Variants in MAP3K19 observed in about 807,000 individuals in gnomAD.
The protein encoded by MAP3K19 is SPS1/STE20-related protein kinase YSK4.
MAP3K19 carries 91 observed loss-of-function variants against 114.4 expected under a neutral mutation model. That is an observed-to-expected ratio of 0.80 (90% CI 0.67 to 0.95). The LOEUF (loss-of-function observed/expected upper bound fraction) is 0.95. MAP3K19 is among the 40% of genes least tolerant of loss of function. The pLI is 0.00. For missense variants in MAP3K19, 1,471 were observed against 1,573.2 expected, an observed-to-expected ratio of 0.94 and a Z score of 1.10; for synonymous variants, 518 against 530.5, an observed-to-expected ratio of 0.98 and a Z score of 0.32.
chr2:134,983,646 T>C, intron 11 of MAP3K19, 30 bp downstream of exon 11: 1 of 1,480,236 alleles, frequency 6.8e-7, no homozygotes, highest in Non-Finnish European at 9.0e-7. Context: ...GGGTGGGGAG[T>C]GCTGATTTCA....
At chr2:135,029,259 C>G (rs1688324921) in intron 3 of MAP3K19, among the ~76,000 whole-genome samples, 1 of 152,180 alleles carries the variant, frequency 6.6e-6, no homozygotes, top group South Asian at 2.1e-4. Context: ...GCCTGTAGTC[C>G]CAGCTACTCC....
chr2:134,975,809 A>G (rs1684197276), intron 12 of MAP3K19, among the ~76,000 whole-genome samples: 1 of 152,194 alleles, frequency 6.6e-6, no homozygotes, highest in South Asian at 2.1e-4. Context: ...GGGTGGGGTC[A>G]CTGCCAGTGG....
intron 3 of MAP3K19, among the ~76,000 whole-genome samples, 196 bp from the exon 4 acceptor site, chr2:135,024,937 T>C (rs1688195988): frequency 6.6e-6 from 1 of 152,226 alleles, no homozygotes; most frequent in African/African-American, 2.4e-5. Flanking sequence ...GAATTTGCTG[T>C]GTATCTTTAT....
At chr2:135,009,306 GTCT>G (rs1001775568) in intron 5 of MAP3K19, among the ~76,000 whole-genome samples, 3 of 151,894 alleles carry the variant, frequency 2.0e-5, no homozygotes, top group Admixed American at 6.6e-5. Flanking sequence ...GATGGAATTG[GTCT>G]TCTTATTATT....
At chr2:135,020,218 C>T (rs889331570) in intron 5 of MAP3K19, among the ~76,000 whole-genome samples, 7 of 152,222 alleles carry the variant, frequency 4.6e-5, no homozygotes, top group South Asian at 2.1e-4. Context: ...GGGCTTTCAC[C>T]GTGTTGGCCA....
At chr2:134,966,299 GTTTT>G (rs1196627649) in intron 12 of MAP3K19, among the ~76,000 whole-genome samples, 1 of 151,794 alleles carries the variant, frequency 6.6e-6, no homozygotes, top group Admixed American at 6.6e-5. Context: ...GTTTTTTGGG[GTTTT>G]TTTGAGAAAT....
At chr2:134,994,222 C>T (rs769201031) in intron 8 of MAP3K19, among the ~76,000 whole-genome samples, 11 of 152,110 alleles carry the variant, frequency 7.2e-5, no homozygotes, top group Non-Finnish European at 1.6e-4. Context: ...ACTATATGGA[C>T]GAATAATAAC....
In MAP3K19 at chr2:134,999,809, T is replaced by A. The variant is rs978415167; in HGVS notation, c.314+128A>T. ...TGTTTATGATCTGGCCTCTGCCACA[T>A]ACTATTTATTGTGACCTCTACTTTT... On this transcript the variant is annotated intron_variant, in intron 7 of 12. Transcript: ENST00000392915. The surrounding 1 kb of genome is among the most constrained non-coding windows in gnomAD (Gnocchi z 4.1). The A allele has an allele frequency of 1.5e-6, 1 of 677,938 alleles. No homozygotes were observed. The highest frequency in any genetic ancestry group is 3.8e-4 in the Middle Eastern group (1 of 2,658). The allele number at this position is 677,938 out of a possible 1,614,324, so 42.0% of individuals were successfully genotyped here.
At chr2:135,028,989 C>T (rs1473554858) in intron 3 of MAP3K19, among the ~76,000 whole-genome samples, 1 of 152,112 alleles carries the variant, frequency 6.6e-6, no homozygotes, top group Non-Finnish European at 1.5e-5. Flanking sequence ...ATCAATTCAG[C>T]ATCTGTTGAT....
intron 5 of MAP3K19, among the ~76,000 whole-genome samples, chr2:135,020,043 G>C (rs538216042): frequency 1.3e-5 from 2 of 151,922 alleles, no homozygotes; most frequent in East Asian, 3.9e-4. Flanking sequence ...TTGAAATGGA[G>C]TTTCGCTCTT....
intron 12 of MAP3K19, among the ~76,000 whole-genome samples, chr2:134,970,328 G>A (rs1462358890): frequency 6.6e-6 from 1 of 151,872 alleles, no homozygotes; most frequent in East Asian, 1.9e-4. Flanking sequence ...TCACCTCCTT[G>A]GTTACATTTG....
rs544127326 is a variant in MAP3K19, at chr2:134,968,925, G to A, written c.3921-4009C>T. On this transcript the variant is annotated intron_variant, in intron 12 of 12. Coordinates refer to ENST00000392915, the MANE Select transcript of MAP3K19 (RefSeq NM_025052.5). The stretch of plus-strand genomic sequence containing the variant: ...AGACGATGGGCGGCCAGGCAGAGAC[G>A]CTCCTCACTTCCCAGAAGGGGTGGC... Among the ~76,000 whole-genome samples, 693 of 152,090 alleles carry A rather than the reference G, an allele frequency of 4.6e-3. 19 individuals are homozygous for A. The highest frequency in any genetic ancestry group is 0.04 in the Admixed American group (616 of 15,288).
At chr2:135,017,339 T>C (rs1190053684) in intron 5 of MAP3K19, among the ~76,000 whole-genome samples, 2 of 152,220 alleles carry the variant, frequency 1.3e-5, no homozygotes, top group Non-Finnish European at 2.9e-5. Context: ...TTTGGCTTAG[T>C]AGTATAAACG....
chr2:134,993,385 C>T (rs2105266431), intron 8 of MAP3K19, among the ~76,000 whole-genome samples: 1 of 152,348 alleles, frequency 6.6e-6, no homozygotes, highest in Admixed American at 6.5e-5. Flanking sequence ...TCCCCTTGGA[C>T]ACAGCTGGCC....
At chr2:135,008,128 C>CTTTTTT (rs944580033) in intron 5 of MAP3K19, among the ~76,000 whole-genome samples, 1 of 145,820 alleles carries the variant, frequency 6.9e-6, no homozygotes. Flanking sequence ...AACAGTACTT[C>CTTTTTT]TTTTTTTTTT....
At chr2:135,000,059 T>A (rs1686328543) in intron 6 of MAP3K19, 44 bp from the exon 7 acceptor site, 1 of 1,300,774 alleles carries the variant, frequency 7.7e-7, no homozygotes, top group Non-Finnish European at 1.1e-6. Context: ...AAGTAATGAA[T>A]TCCAGCGGAA....
Position 134,973,142 on chromosome 2 carries a change from C to G in MAP3K19, c.3920+7679G>C, listed in dbSNP as rs1418044091. Among the ~76,000 whole-genome samples, 3 of 152,154 alleles carry G rather than the reference C, an allele frequency of 2.0e-5. No homozygotes were observed. The East Asian group carries it at 5.8e-4, about 29-fold the overall frequency. On this transcript the variant is annotated intron_variant, in intron 12 of 12. Transcript: ENST00000392915. ...AATATTCTGTAGGTATCTGTTGTGT[C>G]TGTTTGGTTTAAAGTGCAATTTAAA...
chr2:135,032,021 G>C lies in MAP3K19; in HGVS notation c.-283-1521C>G, dbSNP rs866881962. Among the ~76,000 whole-genome samples the C allele has an allele frequency of 3.3e-5, 5 of 152,224 alleles. No homozygotes were observed. The South Asian group carries it at 1.0e-3, about 32-fold the overall frequency. ...AAATCAAAAATTCAGATAACAGCAA[G>C]AGTTGGAAAGATGAGAAGAACTTGG... On this transcript the variant is annotated intron_variant, in intron 2 of 12. Transcript: ENST00000392915.
intron 5 of MAP3K19, among the ~76,000 whole-genome samples, chr2:135,008,691 T>G (rs1463282484): frequency 1.3e-5 from 2 of 152,188 alleles, no homozygotes; most frequent in Admixed American, 6.5e-5. Context: ...ATGTGCTATA[T>G]CATATCTTCT....
Sources: allele counts gnomAD v4.1 joint callset (sites outside exome capture counted in the v4.1 genomes callset), GRCh38; gene constraint gnomAD v4.1.1; non-coding constraint Gnocchi (gnomAD v3.1); transcripts MANE v1.5; gene names NCBI Gene and HGNC (gene_info 2026-07-23, HGNC 2026-07-21).